Variants in DZIP1 observed in about 807,000 individuals in gnomAD.
DZIP1 encodes the protein DAZ interacting zinc finger protein 1.
Under a neutral mutation model 107.6 loss-of-function variants are expected in DZIP1, and 97 were observed. The observed-to-expected ratio is 0.90, with a 90% CI of 0.77 to 1.07. The LOEUF is 1.07. DZIP1 is among the 50% of genes least tolerant of loss of function. The probability of loss-of-function intolerance (pLI) is 0.00; values close to 1 mark genes in which losing one functional copy is unlikely to be tolerated. For synonymous variants in DZIP1, 390 were observed against 386.4 expected (o/e 1.01, Z -0.11); for missense variants, 1,035 against 1,063.6 (o/e 0.97, Z 0.37).
intron 5 of DZIP1, among the ~76,000 whole-genome samples, chr13:95,637,990 CGAG>C (rs1421204624): frequency 6.6e-6 from 1 of 151,068 alleles, no homozygotes; most frequent in Non-Finnish European, 1.5e-5. Flanking sequence ...CTCTGAGAAT[CGAG>C]GAAGGGAAAA....
chr13:95,611,289 T>C (rs1284171627), intron 12 of DZIP1, among the ~76,000 whole-genome samples, 156 bp downstream of exon 12: 1 of 152,202 alleles, frequency 6.6e-6, no homozygotes, highest in East Asian at 1.9e-4. Context: ...AACAAATCTC[T>C]CAAATTAAAA....
At chr13:95,588,270 T>A (rs2044218467) in intron 19 of DZIP1, 1 of 152,494 alleles carries the variant, frequency 6.6e-6, no homozygotes. Flanking sequence ...GTCTTGTACA[T>A]GTTGATTCAT....
In DZIP1 at chr13:95,644,649, C is replaced by G. The variant is rs1359071070; in HGVS notation, c.-798G>C. 2.7e-5 allele frequency: 4 copies of G among 150,878 alleles called. No individual in the cohort carries two copies. The highest frequency in any genetic ancestry group is 3.0e-5 in the Non-Finnish European group (2 of 67,576). 9.3% of individuals were successfully genotyped at this position (150,878 alleles called of 1,614,324 possible). A position where few individuals can be genotyped will look rare whatever the true frequency, so the allele number is the denominator to read the frequency against. On this transcript the variant is annotated 5_prime_UTR_variant, in exon 1 of 23. Coordinates refer to ENST00000376829, the MANE Select transcript of DZIP1 (RefSeq NM_198968.4). ...GACTCAGGATACCCCACCCCCCTCC[C>G]GCCCCCTCCCCTCCGCGATCTCCCT...
rs756719388 is a variant in DZIP1 at position 95,594,070 on chromosome 13, C to G, written c.1554G>C (p.Gln518His). ...SEEEKGRENE[Q>H]KLNNNKMHLR... is the part of the protein sequence containing the mutation. ...AATGCATTTTGTTGTTATTTAATTT[C>G]TGTTCATTTTCCCTTCCTGAAATAA... The change falls in exon 16 of 23, where the codon CAG (glutamine) becomes CAC (histidine). Residue 518 changes from glutamine to histidine, a missense_variant. Coordinates refer to ENST00000376829, the MANE Select transcript of DZIP1 (RefSeq NM_198968.4). The G allele has an allele frequency of 2.2e-5, 35 of 1,602,066 alleles. No individual in the cohort carries two copies. The highest frequency in any genetic ancestry group is 2.9e-5 in the Non-Finnish European group (34 of 1,175,158).
chr13:95,612,276 C>T, intron 10 of DZIP1, 99 bp from the exon 11 acceptor site: 1 of 1,346,910 alleles, frequency 7.4e-7, no homozygotes. Flanking sequence ...TTTTGCTAGC[C>T]TGATGCTATC....
intron 15 of DZIP1, 38 bp downstream of exon 15, chr13:95,599,327 T>C (rs369724309): frequency 7.0e-6 from 11 of 1,573,118 alleles, no homozygotes; most frequent in Admixed American, 3.4e-5. Flanking sequence ...CATATAAATA[T>C]AATCTGTGCA....
intron 13 of DZIP1, 44 bp downstream of exon 13, chr13:95,609,413 T>C: frequency 7.3e-7 from 1 of 1,368,122 alleles, no homozygotes. Flanking sequence ...GGTTTAGCAT[T>C]TTAAAGATAC....
chr13:95,585,538 C>T (rs2044137625), intron 21 of DZIP1, among the ~76,000 whole-genome samples: 1 of 152,178 alleles, frequency 6.6e-6, no homozygotes. Flanking sequence ...ACACCTCTGG[C>T]GTCCTGGCTG....
intron 5 of DZIP1, chr13:95,637,036 G>A (rs1265631025): frequency 6.6e-6 from 1 of 152,178 alleles, no homozygotes; most frequent in Non-Finnish European, 1.5e-5. Context: ...ACTGCCAGAA[G>A]ACAAAGGAAC....
Position 95,641,502 on chromosome 13 carries a change from G to A in DZIP1, c.390C>T (p.Tyr130=), listed in dbSNP as rs778071650. 2.5e-6 allele frequency: 4 copies of A among 1,614,102 alleles called. No homozygotes were observed. Among genetic ancestry groups the A allele is most frequent in the East Asian group, 2.2e-5 (1 of 44,884 alleles). ...LIRLAQFTIE[Y]LLHSQEFLTS... is the part of the protein sequence containing the mutation. The stretch of plus-strand genomic sequence containing the variant: ...TGAGGAACTCTTGTGAGTGCAGCAA[G>A]TACTCGATGGTGAACTGCGCCAGAC... Residue 130 remains tyrosine (Y), a synonymous_variant, in exon 5 of 23, where the codon TAC becomes TAT. Coordinates refer to ENST00000376829, the MANE Select transcript of DZIP1 (RefSeq NM_198968.4). This position sits in a 1 kb window ranked among gnomAD's most constrained non-coding sequence, Gnocchi z 4.3.
At chr13:95,625,088 C>G (rs1431607700) in intron 7 of DZIP1, among the ~76,000 whole-genome samples, 159 bp from the exon 8 acceptor site, 2 of 152,128 alleles carry the variant, frequency 1.3e-5, no homozygotes, top group Non-Finnish European at 2.9e-5. Context: ...GGTCTGTGCA[C>G]AATGATTTTT....
chr13:95,585,328 A>G (rs932661488), intron 21 of DZIP1, among the ~76,000 whole-genome samples: 2 of 152,148 alleles, frequency 1.3e-5, no homozygotes. Flanking sequence ...AAAGGTGCAC[A>G]CAGTTCTACC....
intron 17 of DZIP1, 30 bp from the exon 18 acceptor site, chr13:95,589,962 A>G (rs754429879): frequency 6.2e-7 from 1 of 1,607,558 alleles, no homozygotes; most frequent in Non-Finnish European, 8.5e-7. Context: ...ATGAGTCTCC[A>G]TTACCTTTAT....
chr13:95,638,125 T>C (rs1878047596), intron 5 of DZIP1, among the ~76,000 whole-genome samples: 1 of 147,898 alleles, frequency 6.8e-6, no homozygotes, highest in African/African-American at 2.5e-5. Flanking sequence ...GTTTTGCTCT[T>C]GTCACCCAGG....
rs1435911524 is a variant in DZIP1, at chr13:95,579,202, C to T, written c.*3032G>A. Reference sequence around the variant, plus strand: ...CGTGCCTCACTCAGAACTGACGGGCCGAGTTCTATCTAGGTGTGTCTTCCA... The same window carrying T: ...CGTGCCTCACTCAGAACTGACGGGCTGAGTTCTATCTAGGTGTGTCTTCCA... On this transcript the variant is annotated 3_prime_UTR_variant, in exon 23 of 23. Coordinates refer to ENST00000376829, the MANE Select transcript of DZIP1 (RefSeq NM_198968.4). 2.0e-5 allele frequency: 3 copies of T among 152,114 alleles called. No homozygotes were observed. Among genetic ancestry groups the T allele is most frequent in the East Asian group, 1.9e-4 (1 of 5,194 alleles). 9.4% of individuals were successfully genotyped at this position (152,114 alleles called of 1,614,324 possible). A position where few individuals can be genotyped will look rare whatever the true frequency, so the allele number is the denominator to read the frequency against.
intron 7 of DZIP1, among the ~76,000 whole-genome samples, chr13:95,625,676 T>C (rs1876448002): frequency 6.6e-6 from 1 of 152,136 alleles, no homozygotes; most frequent in South Asian, 2.1e-4. Flanking sequence ...AACAACGTGC[T>C]CTTAAACAAC....
chr13:95,583,954 A>G (rs1339862432), intron 22 of DZIP1, among the ~76,000 whole-genome samples: 3 of 151,710 alleles, frequency 2.0e-5, no homozygotes, highest in Non-Finnish European at 4.4e-5. Context: ...GAGACCCCAT[A>G]TCCTAAAAAA....
chr13:95,597,866 C>T (rs1374181138), intron 15 of DZIP1, among the ~76,000 whole-genome samples: 1 of 152,112 alleles, frequency 6.6e-6, no homozygotes, highest in Non-Finnish European at 1.5e-5. Flanking sequence ...ACCTACTGTA[C>T]AATAGTTGCT....
chr13:95,590,042 A>T, intron 17 of DZIP1, 110 bp from the exon 18 acceptor site: 1 of 1,376,534 alleles, frequency 7.3e-7, no homozygotes, highest in South Asian at 1.5e-5. Flanking sequence ...GAACAATCCC[A>T]TCTCTAGGGT....
Sources: gnomAD v4.1 joint callset for allele counts (sites outside exome capture counted in the v4.1 genomes callset) on GRCh38, gnomAD v4.1.1 for gene constraint, Gnocchi (gnomAD v3.1) non-coding constraint, MANE v1.5 for transcripts, NCBI Gene and HGNC (gene_info 2026-07-23, HGNC 2026-07-21) for gene names.